PRUNE2: variants seen among roughly 807,000 people sequenced by gnomAD.
PRUNE2 encodes the protein prune homolog 2 with BCH domain, also known as protein prune homolog 2.
In PRUNE2, 164 loss-of-function variants were observed where a neutral mutation model predicts 252.0. That is an observed-to-expected ratio of 0.65 (90% CI 0.57 to 0.74). The LOEUF is 0.74. PRUNE2 is among the 30% of genes least tolerant of loss of function. PRUNE2 has a pLI of 0.00. For synonymous variants in PRUNE2, 1,292 were observed against 1,350.2 expected, an observed-to-expected ratio of 0.96 and a Z score of 0.94; for missense variants, 3,495 against 3,711.0, an observed-to-expected ratio of 0.94 and a Z score of 1.51.
chr9:76,644,959 G>C (rs779748799), intron 11 of PRUNE2, 50 bp from the exon 12 acceptor site: 2 of 1,550,768 alleles, frequency 1.3e-6, no homozygotes, highest in South Asian at 2.4e-5. Context: ...GACCTCCACA[G>C]TGCAGCTAAA....
intron 6 of PRUNE2, among the ~76,000 whole-genome samples, chr9:76,783,241 A>G (rs1472208120): frequency 6.6e-6 from 1 of 152,120 alleles, no homozygotes; most frequent in Non-Finnish European, 1.5e-5. Context: ...TGTTCCAGCA[A>G]TTCTCCTGCC....
At chr9:76,837,864 T>C (rs193009809) in intron 4 of PRUNE2, among the ~76,000 whole-genome samples, 12,999 of 150,812 alleles carry the variant, frequency 0.086, 841 homozygotes, top group East Asian at 0.2. Context: ...CTCTGCCTCC[T>C]GGGTTCACGC....
rs578240949 is a variant in PRUNE2, at chr9:76,612,116, A to C, written c.*2454T>G. On this transcript the variant is annotated 3_prime_UTR_variant, in exon 19 of 19. Transcript: ENST00000376718. Reference sequence around the variant, plus strand: ...AGCTTTTCCCTAGCACATGCAATTAAATTAATTTGTCTTTTAAGATAATAA... The same window carrying C: ...AGCTTTTCCCTAGCACATGCAATTACATTAATTTGTCTTTTAAGATAATAA... The C allele has an allele frequency of 6.6e-6, 1 of 152,346 alleles. No homozygotes were observed. The highest frequency in any genetic ancestry group is 2.4e-5 in the African/African-American group (1 of 41,568). 9.4% of individuals were successfully genotyped at this position (152,346 alleles called of 1,614,324 possible). A position where few individuals can be genotyped will look rare whatever the true frequency, so the allele number is the denominator to read the frequency against.
rs779804487 is a variant in PRUNE2 at position 76,734,353 on chromosome 9, G to T, written c.757-20632C>A. Among the ~76,000 whole-genome samples, 6 of 152,270 alleles carry T rather than the reference G, an allele frequency of 3.9e-5. No homozygotes were observed. In the East Asian group the frequency reaches 7.7e-4, roughly 20 times the overall value. On this transcript the variant is annotated intron_variant, in intron 6 of 18. Coordinates refer to ENST00000376718, the MANE Select transcript of PRUNE2 (RefSeq NM_015225.3). ...AAAAAGTTTAAATTTTAAGATCATC[G>T]AACCTACAGGAAAAAAGATGGTGAG...
rs1385689690 is a variant in PRUNE2, at chr9:76,707,874, T to C, written c.4400A>G (p.Glu1467Gly). 6.2e-7 allele frequency: 1 copy of C among 1,613,800 alleles called. No individual in the cohort carries two copies. Among genetic ancestry groups the C allele is most frequent in the South Asian group, 1.1e-5 (1 of 91,040 alleles). ...CTCTGGCTCTAGAAAGTTACATTCT[T>C]CAGTTTTCTCAAGATCCTTTTCAGG... ...SVPEKDLEKT[E>G]ECNFLEPENV... The change falls in exon 8 of 19, where the codon GAA (glutamate) becomes GGA (glycine). Residue 1467 changes from glutamate (E) to glycine (G), a missense_variant. Glu to Gly is a moderately conservative substitution (Grantham distance 98, BLOSUM62 -2). Transcript: ENST00000376718.
Position 76,710,973 on chromosome 9 carries a change from C to T in PRUNE2, c.1301G>A (p.Arg434Lys), listed in dbSNP as rs1177889832. The change falls in exon 8 of 19, where the codon AGG becomes AAG. Residue 434 changes from arginine (R) to lysine (K), a missense_variant. Physicochemically the swap from Arg to Lys is conservative, Grantham distance 26. Transcript: ENST00000376718. ...GCTCTCCTTGGATGAGCGGCTGCTCCTAATGGTAGCCAGTCCGCTGTCTGG... is the reference window on the plus strand; with the variant it reads ...GCTCTCCTTGGATGAGCGGCTGCTCTTAATGGTAGCCAGTCCGCTGTCTGG... ...VSPDSGLATI[R>K]SSRSSKESSV... is the part of the protein sequence containing the mutation. 6 of 1,608,036 alleles carry T rather than the reference C, an allele frequency of 3.7e-6. No individual in the cohort carries two copies. The highest frequency in any genetic ancestry group is 2.2e-5 in the East Asian group (1 of 44,800).
intron 9 of PRUNE2, among the ~76,000 whole-genome samples, chr9:76,680,050 A>G (rs2043249760): frequency 6.6e-6 from 1 of 152,224 alleles, no homozygotes; most frequent in Non-Finnish European, 1.5e-5. Context: ...AAAGGATGCA[A>G]TCAAGAGTGA....
intron 9 of PRUNE2, among the ~76,000 whole-genome samples, chr9:76,701,048 A>G (rs548515825): frequency 6.6e-6 from 1 of 152,312 alleles, no homozygotes; most frequent in Admixed American, 6.5e-5. Context: ...GGCTGACAGT[A>G]TGTTTTAAAC....
intron 6 of PRUNE2, among the ~76,000 whole-genome samples, chr9:76,753,992 A>G (rs912264289): frequency 2.6e-5 from 4 of 152,028 alleles, no homozygotes; most frequent in African/African-American, 9.7e-5. Flanking sequence ...TCTAGTGACT[A>G]GACATGGTTC....
chr9:76,635,853 A>C (rs949526698), intron 15 of PRUNE2, among the ~76,000 whole-genome samples: 1 of 152,216 alleles, frequency 6.6e-6, no homozygotes, highest in Non-Finnish European at 1.5e-5. Flanking sequence ...TTACTATATT[A>C]TGAACATAAC....
intron 10 of PRUNE2, among the ~76,000 whole-genome samples, chr9:76,654,522 T>C (rs534001324): frequency 6.6e-6 from 1 of 152,356 alleles, no homozygotes; most frequent in African/African-American, 2.4e-5. Flanking sequence ...TATTTGGCTA[T>C]TGAGCACTTG....
intron 1 of PRUNE2, among the ~76,000 whole-genome samples, chr9:76,868,215 TTTA>T (rs2060958253): frequency 6.6e-6 from 1 of 152,174 alleles, no homozygotes; most frequent in African/African-American, 2.4e-5. Context: ...GCATAGGACA[TTTA>T]TAGTAACTTA....
intron 1 of PRUNE2, among the ~76,000 whole-genome samples, chr9:76,869,594 T>C (rs926499743): frequency 3.3e-5 from 5 of 152,172 alleles, no homozygotes; most frequent in African/African-American, 1.2e-4. Flanking sequence ...AACAGTGCAA[T>C]AGAAAGTAAA....
In PRUNE2 at chr9:76,883,620, G is replaced by C. The variant is rs184891536; in HGVS notation, c.36+22308C>G. ...CCACATTTCCATTATACTGCCTCTT[G>C]GACTCTTTGTAATGAGAGGAATTTC... On this transcript the variant is annotated intron_variant, in intron 1 of 18. Coordinates refer to ENST00000376718, the MANE Select transcript of PRUNE2 (RefSeq NM_015225.3). 2.4e-4 allele frequency among the ~76,000 whole-genome samples: 36 copies of C among 152,216 alleles called. 1 individual carries two copies. The highest frequency in any genetic ancestry group is 8.4e-4 in the African/African-American group (35 of 41,534).
rs774369053 is a variant in PRUNE2 at position 76,705,274 on chromosome 9, C to T, written c.7000G>A (p.Asp2334Asn). 7 of 1,613,946 alleles carry T rather than the reference C, an allele frequency of 4.3e-6. No homozygotes were observed. Among genetic ancestry groups the T allele is most frequent in the Non-Finnish European group, 5.9e-6 (7 of 1,179,904 alleles). ...LSEGHPETPV[D>N]GDLGKQDICS... ...ATATCTTGCTTCCCTAGGTCCCCATCAACTGGCGTTTCCGGATGGCCTTCG... is the reference window on the plus strand; with the variant it reads ...ATATCTTGCTTCCCTAGGTCCCCATTAACTGGCGTTTCCGGATGGCCTTCG... The change falls in exon 8 of 19, where the codon GAT (aspartate) becomes AAT (asparagine). Residue 2334 changes from aspartate (D) to asparagine (N), a missense_variant. Asp to Asn is a conservative substitution (Grantham distance 23). Transcript: ENST00000376718.
chr9:76,627,830 C>A, intron 16 of PRUNE2: 1 of 425,840 alleles, frequency 2.3e-6, no homozygotes, highest in Non-Finnish European at 4.7e-6. Context: ...GTTACGTCCC[C>A]TGCATCTGTA....
intron 6 of PRUNE2, among the ~76,000 whole-genome samples, chr9:76,724,303 C>CAAAAAA (rs796291956): frequency 5.8e-5 from 4 of 69,408 alleles, no homozygotes; most frequent in Non-Finnish European, 1.1e-4. Context: ...GATAGAAATA[C>CAAAAAA]AAAAAAAAAA....
Position 76,636,546 on chromosome 9 carries a change from T to A in PRUNE2, c.8975A>T (p.Asn2992Ile). 1 of 1,546,762 alleles carries A rather than the reference T, an allele frequency of 6.5e-7. No homozygotes were observed. Among genetic ancestry groups the A allele is most frequent in the Non-Finnish European group, 8.8e-7 (1 of 1,140,288 alleles). The change falls in exon 15 of 19, where the codon AAT (asparagine) becomes ATT (isoleucine). Residue 2992 changes from asparagine (N) to isoleucine (I), a missense_variant. Transcript: ENST00000376718. The stretch of plus-strand genomic sequence containing the variant: ...ATGAACAATGATGAATGATTTCAAA[T>A]TCTTCCTCAACCTATTTTGAAAAAA... ...YQMIDRRLRKNLKSFIIVHPS... is the reference protein window; with the variant it reads ...YQMIDRRLRKILKSFIIVHPS...
chr9:76,794,621 A>G lies in PRUNE2; in HGVS notation c.756+29011T>C, dbSNP rs550840560. On this transcript the variant is annotated intron_variant, in intron 6 of 18. Coordinates refer to ENST00000376718, the MANE Select transcript of PRUNE2 (RefSeq NM_015225.3). The stretch of plus-strand genomic sequence containing the variant: ...AAAGAGAGACTCTGTCTCAAAAAAA[A>G]AAAAAAAAAGAAAAGAAAAGAAAGA... Among the ~76,000 whole-genome samples, 3 of 144,374 alleles carry G rather than the reference A, an allele frequency of 2.1e-5. No individual in the cohort carries two copies. The East Asian group carries it at 6.1e-4, about 30-fold the overall frequency. The allele number at this position is 144,374 out of a possible 152,430, so 94.7% of individuals were successfully genotyped here.
Sources: allele counts gnomAD v4.1 joint callset (sites outside exome capture counted in the v4.1 genomes callset), GRCh38; gene constraint gnomAD v4.1.1; transcripts MANE v1.5; gene names NCBI Gene and HGNC (gene_info 2026-07-23, HGNC 2026-07-21).